Variants in ROPN1L observed in about 807,000 individuals in gnomAD.
ROPN1L encodes ropporin-1-like protein.
A neutral mutation model predicts 22.7 loss-of-function variants in ROPN1L; 23 were observed. That is an observed-to-expected ratio of 1.01 (90% CI 0.73 to 1.43). The LOEUF (loss-of-function observed/expected upper bound fraction) is 1.43, where lower values mean the gene tolerates loss of function less well. Among genes scored for constraint, ROPN1L ranks in the 40% most tolerant of loss-of-function variants. The pLI is 0.00. For missense variants in ROPN1L, 271 were observed against 291.5 expected, an observed-to-expected ratio of 0.93 and a Z score of 0.51; for synonymous variants, 116 against 117.8, an observed-to-expected ratio of 0.98 and a Z score of 0.10.
At chr5:10,453,612 C>T (rs574177969) in intron 3 of ROPN1L, among the ~76,000 whole-genome samples, 9 of 152,306 alleles carry the variant, frequency 5.9e-5, no homozygotes, top group East Asian at 3.9e-4. Context: ...GGTGGCTAGC[C>T]GCTGCCTGCG....
rs371481482 is a variant in ROPN1L at position 10,442,403 on chromosome 5, C to T, written c.131+105C>T. 33 of 1,441,284 alleles carry T rather than the reference C, an allele frequency of 2.3e-5. No individual in the cohort carries two copies. The African/African-American group carries it at 2.9e-4, about 13-fold the overall frequency. The allele number at this position is 1,441,284 out of a possible 1,614,324, so 89.3% of individuals were successfully genotyped here. On this transcript the variant is annotated intron_variant, in intron 1 of 4. Coordinates refer to ENST00000274134, the MANE Select transcript of ROPN1L (RefSeq NM_031916.5). Reference sequence around the variant, plus strand: ...GGGGCCTTACGCGGCACTCAGCGTCCTTAAGAGTATCAGGCAAAACTTTCC... The same window carrying T: ...GGGGCCTTACGCGGCACTCAGCGTCTTTAAGAGTATCAGGCAAAACTTTCC...
downstream of ROPN1L, among the ~76,000 whole-genome samples, chr5:10,473,365 A>G (rs1184274033): frequency 6.6e-6 from 1 of 152,202 alleles, no homozygotes. Flanking sequence ...AGTTTGAGAC[A>G]CCAATGCAGG....
Position 10,461,208 on chromosome 5 carries a change from C to T in ROPN1L, c.442C>T (p.Leu148=), listed in dbSNP as rs979001732. The part of the protein sequence containing the change: ...GGSLNTALKH[L]CEILTDDPEG... ...GTCCTTGAACACTGCGCTGAAGCAC[C>T]TGTGCGAGATCCTCACGGACGATCC... Residue 148 remains leucine (L), a synonymous_variant, in exon 4 of 5, where the codon CTG becomes TTG. Coordinates refer to ENST00000274134, the MANE Select transcript of ROPN1L (RefSeq NM_031916.5). 1.9e-6 allele frequency: 3 copies of T among 1,613,854 alleles called. No homozygotes were observed. The highest frequency in any genetic ancestry group is 2.2e-5 in the East Asian group (1 of 44,876).
chr5:10,482,290 A>G, the ROPN1L span: 1 of 152,118 alleles, frequency 6.6e-6, no homozygotes, highest in East Asian at 1.9e-4. Context: ...ATTAAAAATC[A>G]AAACAAAACA....
At chr5:10,457,027 G>A (rs959678457) in intron 3 of ROPN1L, among the ~76,000 whole-genome samples, 4 of 152,182 alleles carry the variant, frequency 2.6e-5, no homozygotes, top group Admixed American at 1.3e-4. Flanking sequence ...GTCTTTGAGA[G>A]TTTCAAGCAA....
At chr5:10,467,313 A>T (rs1291072472), downstream of ROPN1L, among the ~76,000 whole-genome samples, 1 of 151,750 alleles carries the variant, frequency 6.6e-6, no homozygotes, top group African/African-American at 2.4e-5. Context: ...AACAAAACAC[A>T]AACTGGCCTT....
intron 3 of ROPN1L, among the ~76,000 whole-genome samples, chr5:10,453,510 C>T (rs926531993): frequency 6.6e-6 from 1 of 152,096 alleles, no homozygotes; most frequent in Admixed American, 6.5e-5. Context: ...TAAAAAAATA[C>T]CTTCAAAAAG....
downstream of ROPN1L, among the ~76,000 whole-genome samples, chr5:10,469,165 TTAAA>T (rs1471106266): frequency 6.8e-6 from 1 of 147,874 alleles, no homozygotes; most frequent in Non-Finnish European, 1.5e-5. Context: ...AAAATAAAAA[TTAAA>T]TAAACTCTGA....
At chr5:10,459,562 G>T (rs982576670) in intron 3 of ROPN1L, among the ~76,000 whole-genome samples, 1 of 151,928 alleles carries the variant, frequency 6.6e-6, no homozygotes, top group Non-Finnish European at 1.5e-5. Context: ...CTCATTTCCC[G>T]CATCCCTGCC....
chr5:10,445,815 C>G (rs1218841594), intron 1 of ROPN1L, among the ~76,000 whole-genome samples: 1 of 152,120 alleles, frequency 6.6e-6, no homozygotes, highest in Non-Finnish European at 1.5e-5. Flanking sequence ...CCCAGCTATT[C>G]AGGATGCTGA....
chr5:10,465,585 C>T (rs1735140295), downstream of ROPN1L, among the ~76,000 whole-genome samples: 1 of 151,932 alleles, frequency 6.6e-6, no homozygotes, highest in Admixed American at 6.6e-5. Context: ...CGCAGTGGCT[C>T]ACACCTGTAA....
chr5:10,482,424 G>C, the ROPN1L span: 1 of 152,142 alleles, frequency 6.6e-6, no homozygotes, highest in Non-Finnish European at 1.5e-5. Flanking sequence ...AAGCGGATCA[G>C]AAAAACAAAA....
intron 1 of ROPN1L, among the ~76,000 whole-genome samples, chr5:10,442,653 C>T (rs1740925790): frequency 1.3e-5 from 2 of 152,234 alleles, no homozygotes; most frequent in Admixed American, 1.3e-4. Flanking sequence ...CGGTTGCAGT[C>T]ACTTTGTGAA....
Position 10,442,024 on chromosome 5 carries a change from G to A in ROPN1L, c.-144G>A, listed in dbSNP as rs1579637913. 8.5e-7 allele frequency: 1 copy of A among 1,177,004 alleles called. No individual in the cohort carries two copies. Among genetic ancestry groups the A allele is most frequent in the South Asian group, 1.5e-5 (1 of 67,910 alleles). The allele number at this position is 1,177,004 out of a possible 1,614,324, so 72.9% of individuals were successfully genotyped here. On this transcript the variant is annotated 5_prime_UTR_variant, in exon 1 of 5. Coordinates refer to ENST00000274134, the MANE Select transcript of ROPN1L (RefSeq NM_031916.5). ...AGCGGGTAAGAGCCCCGCGAATCCG[G>A]CCCCAACCTCGGGAACGGGATGGGA...
chr5:10,451,671 T>C (rs894801361), intron 3 of ROPN1L, among the ~76,000 whole-genome samples: 1 of 151,688 alleles, frequency 6.6e-6, no homozygotes, highest in African/African-American at 2.4e-5. Flanking sequence ...CCTCAGGGAG[T>C]CGGGTGTGGT....
At chr5:10,454,990 G>T (rs913009276) in intron 3 of ROPN1L, among the ~76,000 whole-genome samples, 1 of 152,212 alleles carries the variant, frequency 6.6e-6, no homozygotes, top group African/African-American at 2.4e-5. Context: ...GTTTACGCCT[G>T]AGATTTCCTG....
chr5:10,442,395 T>C lies in ROPN1L; in HGVS notation c.131+97T>C. On this transcript the variant is annotated intron_variant, in intron 1 of 4. Transcript: ENST00000274134. ...CCGGACCAGGGGCCTTACGCGGCAC[T>C]CAGCGTCCTTAAGAGTATCAGGCAA... 3.3e-6 allele frequency: 5 copies of C among 1,493,760 alleles called. No homozygotes were observed. In the Admixed American group the frequency reaches 9.5e-5, roughly 28 times the overall value. 92.5% of individuals were successfully genotyped at this position (1,493,760 alleles called of 1,614,324 possible). A position where few individuals can be genotyped will look rare whatever the true frequency, so the allele number is the denominator to read the frequency against.
chr5:10,469,513 T>C (rs1735213072), downstream of ROPN1L, among the ~76,000 whole-genome samples: 1 of 152,048 alleles, frequency 6.6e-6, no homozygotes, highest in Non-Finnish European at 1.5e-5. Context: ...GTTCCTGGCA[T>C]TCATACGGTG....
At chr5:10,444,458 T>G (rs1740991165) in intron 1 of ROPN1L, among the ~76,000 whole-genome samples, 1 of 151,868 alleles carries the variant, frequency 6.6e-6, no homozygotes, top group Non-Finnish European at 1.5e-5. Flanking sequence ...ACCCGGCTAA[T>G]TTTTGTATTT....
Sources: gnomAD v4.1 joint callset for allele counts (sites outside exome capture counted in the v4.1 genomes callset) on GRCh38, gnomAD v4.1.1 for gene constraint, MANE v1.5 for transcripts, NCBI Gene and HGNC (gene_info 2026-07-23, HGNC 2026-07-21) for gene names.